The following MRC1 variants were observed in gnomAD, a reference collection of about 807,000 sequenced individuals.
MRC1 encodes mannose receptor C-type 1, also known as macrophage mannose receptor 1.
In MRC1, 62 loss-of-function variants were observed where a neutral mutation model predicts 102.9. That is an observed-to-expected ratio of 0.60 (90% confidence interval 0.49 to 0.74). MRC1 has a LOEUF of 0.74. MRC1 is among the 30% of genes least tolerant of loss of function. The probability of loss-of-function intolerance (pLI) is 0.00; values close to 1 mark genes in which losing one functional copy is unlikely to be tolerated. For synonymous variants in MRC1, 457 were observed against 298.4 expected (o/e 1.53, Z -5.48); for missense variants, 1,237 against 862.8 (o/e 1.43, Z -5.43).
rs201611896 is a variant in MRC1 at position 17,833,891 on chromosome 10, A to G, written c.802+52A>G. 6.1e-5 allele frequency: 47 copies of G among 775,392 alleles called. No homozygotes were observed. In the East Asian group the frequency reaches 1.1e-3, roughly 19 times the overall value. 48.0% of individuals were successfully genotyped at this position (775,392 alleles called of 1,614,324 possible). A position where few individuals can be genotyped will look rare whatever the true frequency, so the allele number is the denominator to read the frequency against. On this transcript the variant is annotated intron_variant, in intron 4 of 29. Transcript: ENST00000569591. Reference sequence around the variant, plus strand: ...AATCATGACTGCTTTATTTTTATATAATTTAACTTAGAAGTCAACAGCACA... The same window carrying G: ...AATCATGACTGCTTTATTTTTATATGATTTAACTTAGAAGTCAACAGCACA...
chr10:17,845,400 G>A lies in MRC1; in HGVS notation c.1028G>A (p.Gly343Asp), dbSNP rs1838811230. 2.6e-6 allele frequency: 2 copies of A among 780,724 alleles called. No homozygotes were observed. Among genetic ancestry groups the A allele is most frequent in the East Asian group, 4.8e-5 (2 of 41,266 alleles). The allele number at this position is 780,724 out of a possible 1,614,324, so 48.4% of individuals were successfully genotyped here. The change falls in exon 6 of 30, where the codon GGC becomes GAC. Residue 343 changes from glycine (G) to aspartate (D), a missense_variant. Gly to Asp is a moderately conservative substitution (Grantham distance 94). Coordinates refer to ENST00000569591, the MANE Select transcript of MRC1 (RefSeq NM_002438.4). ...AAACTGGGCTATATTTGCAAAAAGG[G>A]CAACACCACTTTAAATTCTTTTGTT... The part of the protein sequence containing the change: ...VQKLGYICKK[G>D]NTTLNSFVIP...
In MRC1 at chr10:17,856,349, G is replaced by T; in HGVS notation, c.1515G>T (p.Arg505Ser). ...TAGTGGAAGTCGAAAAAGGCTGCAG[G>T]AAAGTGAGTGCACCATGCCCACAGT... ...PEIVEVEKGC[R>S]KGWKKHHFYC... Residue 505 changes from arginine to serine, a missense_variant, in exon 9 of 30, where the codon AGG (arginine) becomes AGT (serine). Transcript: ENST00000569591. 1 of 847,964 alleles carries T rather than the reference G, an allele frequency of 1.2e-6. No individual in the cohort carries two copies. Among genetic ancestry groups the T allele is most frequent in the Non-Finnish European group, 2.0e-6 (1 of 489,008 alleles). 52.5% of individuals were successfully genotyped at this position (847,964 alleles called of 1,614,324 possible).
chr10:17,880,573 A>G lies in MRC1; in HGVS notation c.2768A>G (p.Gln923Arg), dbSNP rs1213436879. 5 of 780,882 alleles carry G rather than the reference A, an allele frequency of 6.4e-6. No homozygotes were observed. The highest frequency in any genetic ancestry group is 1.2e-5 in the Non-Finnish European group (5 of 417,972). 48.4% of individuals were successfully genotyped at this position (780,882 alleles called of 1,614,324 possible). ...NCGYPNAFICQRHNSSINATT... is the reference protein window; with the variant it reads ...NCGYPNAFICRRHNSSINATT... ...GGCTATCCAAACGCCTTCATTTGCCAGCGACATAACAGTAGTATCAATGCT... is the reference window on the plus strand; with the variant it reads ...GGCTATCCAAACGCCTTCATTTGCCGGCGACATAACAGTAGTATCAATGCT... The change falls in exon 20 of 30, where the codon CAG becomes CGG. Residue 923 changes from glutamine (Q) to arginine (R), a missense_variant. Gln to Arg is a conservative substitution (Grantham distance 43, BLOSUM62 1). Coordinates refer to ENST00000569591, the MANE Select transcript of MRC1 (RefSeq NM_002438.4).
At position 17,885,284 on chromosome 10, in the gene MRC1, A is replaced by C. The variant is rs1833576055; in HGVS notation, c.2996A>C (p.His999Pro). 3.8e-6 allele frequency: 3 copies of C among 780,756 alleles called. No individual in the cohort carries two copies. Among genetic ancestry groups the C allele is most frequent in the African/African-American group, 3.4e-5 (2 of 59,138 alleles). 48.4% of individuals were successfully genotyped at this position (780,756 alleles called of 1,614,324 possible). The change falls in exon 22 of 30, where the codon CAC becomes CCC. Residue 999 changes from histidine to proline, a missense_variant. Physicochemically the swap from His to Pro is moderately conservative, Grantham distance 77. Transcript: ENST00000569591. ...NEKEQAFLTY[H>P]MKDSTFSAWT... ...TTTCTTTCAGCATTTCTTACCTATC[A>C]CATGAAGGACTCCACTTTCAGTGCC...
At chr10:17,865,980 C>A (rs1343569061) in intron 11 of MRC1, among the ~76,000 whole-genome samples, 1 of 152,176 alleles carries the variant, frequency 6.6e-6, no homozygotes, top group Non-Finnish European at 1.5e-5. Flanking sequence ...GACTGTAAGA[C>A]AGAATTATAA....
intron 7 of MRC1, among the ~76,000 whole-genome samples, chr10:17,851,101 C>T (rs961375611): frequency 3.9e-5 from 6 of 152,140 alleles, no homozygotes; most frequent in Non-Finnish European, 8.8e-5. Context: ...TAGCAGAAAA[C>T]AGGTTAGTTA....
intron 24 of MRC1, among the ~76,000 whole-genome samples, chr10:17,900,289 C>T (rs1197279871): frequency 6.6e-6 from 1 of 152,028 alleles, no homozygotes; most frequent in Middle Eastern, 3.2e-3. Context: ...TTCCATACCT[C>T]TCTTCCATGA....
At chr10:17,900,482 C>T (rs1833814716) in intron 24 of MRC1, among the ~76,000 whole-genome samples, 1 of 151,986 alleles carries the variant, frequency 6.6e-6, no homozygotes, top group Non-Finnish European at 1.5e-5. Context: ...CTCTTTTGCC[C>T]TGAAAACCTG....
intron 1 of MRC1, among the ~76,000 whole-genome samples, chr10:17,819,489 G>GTGTA (rs1838363800): frequency 6.9e-6 from 1 of 145,346 alleles, no homozygotes; most frequent in Non-Finnish European, 1.5e-5. Context: ...GTGTGTGTGT[G>GTGTA]TACACAGAAA....
At chr10:17,821,498 TAA>T (rs1159824176) in intron 1 of MRC1, among the ~76,000 whole-genome samples, 1 of 151,972 alleles carries the variant, frequency 6.6e-6, no homozygotes, top group African/African-American at 2.4e-5. Context: ...GATGTTGCTA[TAA>T]AGGTTTTGTT....
intron 21 of MRC1, among the ~76,000 whole-genome samples, chr10:17,883,961 C>T (rs894211175): frequency 6.6e-6 from 1 of 152,118 alleles, no homozygotes; most frequent in Non-Finnish European, 1.5e-5. Context: ...GATGTGAGCA[C>T]TTTATTACTA....
chr10:17,875,159 A>G lies in MRC1; in HGVS notation c.2456A>G (p.Glu819Gly). The G allele has an allele frequency of 1.3e-6, 1 of 780,900 alleles. No homozygotes were observed. The highest frequency in any genetic ancestry group is 1.7e-5 in the Admixed American group (1 of 59,030). The allele number at this position is 780,900 out of a possible 1,614,324, so 48.4% of individuals were successfully genotyped here. A position where few individuals can be genotyped will look rare whatever the true frequency, so the allele number is the denominator to read the frequency against. ...DYQYYFSKEK[E>G]TMDNARAFCK... ...CAGTATTATTTCAGCAAAGAGAAGG[A>G]AACCATGGACAATGCGCGAGCGTTT... Residue 819 changes from glutamate (E) to glycine (G), a missense_variant, in exon 17 of 30, where the codon GAA (glutamate) becomes GGA (glycine). Coordinates refer to ENST00000569591, the MANE Select transcript of MRC1 (RefSeq NM_002438.4).
Position 17,903,435 on chromosome 10 carries a change from G to A in MRC1, c.3799+1313G>A, listed in dbSNP as rs1290511523. Among the ~76,000 whole-genome samples, 13 of 111,044 alleles carry A rather than the reference G, an allele frequency of 1.2e-4. No individual in the cohort carries two copies. The East Asian group carries it at 1.6e-3, about 13-fold the overall frequency. The allele number at this position is 111,044 out of a possible 152,430, so 72.8% of individuals were successfully genotyped here. On this transcript the variant is annotated intron_variant, in intron 26 of 29. Transcript: ENST00000569591. ...TTTTGAGACAGAGTCTCATTCCCTC[G>A]CCCAGGCTGGAGTGCATTGGTGCAA... is the stretch of plus-strand genomic sequence containing the variant.
chr10:17,860,910 C>T (rs892470732), intron 9 of MRC1, among the ~76,000 whole-genome samples: 1 of 152,214 alleles, frequency 6.6e-6, no homozygotes, highest in African/African-American at 2.4e-5. Context: ...TTCTTTTATT[C>T]GTTTATGTGT....
intron 26 of MRC1, among the ~76,000 whole-genome samples, chr10:17,903,975 C>A (rs1175370647): frequency 6.6e-6 from 1 of 152,052 alleles, no homozygotes; most frequent in South Asian, 2.1e-4. Flanking sequence ...AAATCTGGTT[C>A]ATATTAATAT....
At position 17,856,237 on chromosome 10, in the gene MRC1, T is replaced by C; in HGVS notation, c.1408-5T>C. On this transcript the variant is annotated splice_polypyrimidine_tract_variant and splice_region_variant and intron_variant, in intron 8 of 29. Transcript: ENST00000569591. ...TATTTTTTTCTCTCTCTCTGCTCCC[T>C]GCAGGATGGGTACTGGGCAGATCGG... 1 of 858,072 alleles carries C rather than the reference T, an allele frequency of 1.2e-6. No individual in the cohort carries two copies. Among genetic ancestry groups the C allele is most frequent in the South Asian group, 1.4e-5 (1 of 73,756 alleles). The allele number at this position is 858,072 out of a possible 1,614,324, so 53.2% of individuals were successfully genotyped here. A position where few individuals can be genotyped will look rare whatever the true frequency, so the allele number is the denominator to read the frequency against.
intron 10 of MRC1, among the ~76,000 whole-genome samples, chr10:17,862,330 A>G (rs1833196780): frequency 6.6e-6 from 1 of 152,212 alleles, no homozygotes; most frequent in South Asian, 2.1e-4. Flanking sequence ...AATGTCTAAT[A>G]TATGGTAGTA....
chr10:17,827,216 A>G (rs1300146704), intron 2 of MRC1, among the ~76,000 whole-genome samples: 17 of 152,088 alleles, frequency 1.1e-4, no homozygotes, highest in Admixed American at 7.2e-4. Context: ...TACCATTTGA[A>G]CATTTTCAAA....
At chr10:17,894,046 AG>A (rs1453518589) in intron 22 of MRC1, among the ~76,000 whole-genome samples, 163 bp from the exon 23 acceptor site, 1 of 152,232 alleles carries the variant, frequency 6.6e-6, no homozygotes, top group Non-Finnish European at 1.5e-5. Flanking sequence ...CATAGTAGGT[AG>A]AGTTGGGTAG....
Sources: allele counts gnomAD v4.1 joint callset (sites outside exome capture counted in the v4.1 genomes callset), GRCh38; gene constraint gnomAD v4.1.1; transcripts MANE v1.5; gene names NCBI Gene and HGNC (gene_info 2026-07-23, HGNC 2026-07-21).